The following WNT3 variants were observed in gnomAD, a reference collection of about 807,000 sequenced individuals.
The protein encoded by WNT3 is proto-oncogene Wnt-3.
In WNT3, 7 loss-of-function variants were observed where a neutral mutation model predicts 34.2. That is an observed-to-expected ratio of 0.20 (90% CI 0.12 to 0.38). The LOEUF (loss-of-function observed/expected upper bound fraction) is 0.38, where lower values mean the gene tolerates loss of function less well. WNT3 is among the 10% of genes least tolerant of loss of function. The pLI is 1.00. For missense variants in WNT3, 267 were observed against 499.8 expected, an observed-to-expected ratio of 0.53 and a Z score of 4.44; for synonymous variants, 212 against 211.5, an observed-to-expected ratio of 1.00 and a Z score of -0.02.
intron 1 of WNT3, among the ~76,000 whole-genome samples, chr17:46,816,951 G>A: frequency 6.6e-6 from 1 of 152,224 alleles, no homozygotes; most frequent in Non-Finnish European, 1.5e-5. Flanking sequence ...CCTTCCTGAA[G>A]TCCCTGGCTG....
At chr17:46,816,468 AAC>A (rs879498852) in intron 1 of WNT3, among the ~76,000 whole-genome samples, 20 of 96,524 alleles carry the variant, frequency 2.1e-4, no homozygotes, top group East Asian at 4.0e-4. Context: ...ATAGACCCAG[AAC>A]ACACGCACAC....
intron 1 of WNT3, among the ~76,000 whole-genome samples, chr17:46,803,384 CT>C (rs1568093220): frequency 6.6e-6 from 1 of 152,166 alleles, no homozygotes; most frequent in Admixed American, 6.5e-5. Context: ...AAATACAAAA[CT>C]TAGCCAGGTG....
intron 4 of WNT3, among the ~76,000 whole-genome samples, chr17:46,765,492 G>A (rs1471890891): frequency 6.6e-6 from 1 of 152,244 alleles, no homozygotes; most frequent in Non-Finnish European, 1.5e-5. Flanking sequence ...CATTTGACAG[G>A]CGCTCTCTCC....
intron 2 of WNT3, among the ~76,000 whole-genome samples, chr17:46,770,418 G>A (rs1336444387): frequency 2.0e-5 from 3 of 152,188 alleles, no homozygotes; most frequent in South Asian, 2.1e-4. Context: ...CCTTCCCAAA[G>A]TCCAGAGACC....
chr17:46,774,106 C>T (rs542072173), intron 1 of WNT3, among the ~76,000 whole-genome samples, 197 bp from the exon 2 acceptor site: 1 of 152,370 alleles, frequency 6.6e-6, no homozygotes, highest in Admixed American at 6.5e-5. Context: ...CAAGTCAGCC[C>T]TCTGGCTGCA....
chr17:46,810,800 C>A (rs1422881977), intron 1 of WNT3, among the ~76,000 whole-genome samples: 1 of 152,106 alleles, frequency 6.6e-6, no homozygotes, highest in East Asian at 1.9e-4. Context: ...AGCAGCTTAT[C>A]CAACTCTCCT....
intron 1 of WNT3, among the ~76,000 whole-genome samples, chr17:46,795,320 G>C (rs1247329735): frequency 3.3e-5 from 5 of 152,184 alleles, no homozygotes; most frequent in African/African-American, 9.7e-5. Flanking sequence ...ACTGGGGATG[G>C]TGCAAGAATA....
intron 1 of WNT3, among the ~76,000 whole-genome samples, chr17:46,817,846 C>G (rs553867148): frequency 6.6e-5 from 10 of 152,236 alleles, no homozygotes; most frequent in Admixed American, 4.6e-4. Context: ...AGGAACCCCC[C>G]TTTTGCCAGG....
At chr17:46,814,116 C>T (rs148810526) in intron 1 of WNT3, among the ~76,000 whole-genome samples, 96 of 152,320 alleles carry the variant, frequency 6.3e-4, no homozygotes, top group Non-Finnish European at 1.1e-3. Flanking sequence ...GCAGACATCA[C>T]AGACCCAAGC....
chr17:46,799,279 T>C (rs1568091110), intron 1 of WNT3, among the ~76,000 whole-genome samples: 3 of 152,092 alleles, frequency 2.0e-5, no homozygotes, highest in Admixed American at 2.0e-4. Context: ...CAACATAAAG[T>C]GTGTGGGATT....
intron 1 of WNT3, among the ~76,000 whole-genome samples, chr17:46,810,225 C>T (rs1947629821): frequency 6.6e-6 from 1 of 152,060 alleles, no homozygotes; most frequent in Admixed American, 6.5e-5. Context: ...CCAAGCAGGC[C>T]TCAAACTCCT....
intron 1 of WNT3, among the ~76,000 whole-genome samples, chr17:46,784,777 CTTTTTTTT>C (rs138267924): frequency 7.7e-6 from 1 of 129,296 alleles, no homozygotes; most frequent in African/African-American, 2.9e-5. Context: ...TTTTGCTTTT[CTTTTTTTT>C]TTTTTTTTGA....
At chr17:46,807,225 G>A (rs1000631844) in intron 1 of WNT3, among the ~76,000 whole-genome samples, 7 of 152,384 alleles carry the variant, frequency 4.6e-5, no homozygotes, top group East Asian at 1.9e-4. Context: ...GCTTACGCCT[G>A]TCATCTCAGC....
At chr17:46,808,335 G>A (rs1034784666) in intron 1 of WNT3, among the ~76,000 whole-genome samples, 23 of 152,226 alleles carry the variant, frequency 1.5e-4, no homozygotes, top group African/African-American at 4.8e-4. Flanking sequence ...CTTCCCAGAC[G>A]TTCACAAATA....
At chr17:46,771,428 C>G (rs981698874) in intron 2 of WNT3, among the ~76,000 whole-genome samples, 1 of 150,918 alleles carries the variant, frequency 6.6e-6, no homozygotes, top group African/African-American at 2.4e-5. Flanking sequence ...GGCCGGCCTG[C>G]GGCCTCTCGC....
At chr17:46,800,036 G>A (rs1299581580) in intron 1 of WNT3, among the ~76,000 whole-genome samples, 1 of 152,206 alleles carries the variant, frequency 6.6e-6, no homozygotes, top group Non-Finnish European at 1.5e-5. Flanking sequence ...AGAGAGTGGG[G>A]ACCAGCTGAG....
chr17:46,814,058 T>A (rs990765240), intron 1 of WNT3, among the ~76,000 whole-genome samples: 2 of 152,188 alleles, frequency 1.3e-5, no homozygotes, highest in African/African-American at 4.8e-5. Flanking sequence ...CTGCCTCTTT[T>A]GACCTCATCG....
intron 1 of WNT3, among the ~76,000 whole-genome samples, chr17:46,816,148 C>T (rs539127953): frequency 2.6e-5 from 4 of 151,998 alleles, no homozygotes; most frequent in Non-Finnish European, 4.4e-5. Flanking sequence ...CACGCACGCA[C>T]GCACACACAC....
intron 2 of WNT3, among the ~76,000 whole-genome samples, chr17:46,771,750 G>GC: frequency 1.5e-5 from 1 of 68,574 alleles, no homozygotes; most frequent in Non-Finnish European, 3.0e-5. Flanking sequence ...TTGAAGCGGC[G>GC]CCCCCCGCCC....
Sources: gnomAD v4.1 joint callset for allele counts (sites outside exome capture counted in the v4.1 genomes callset) on GRCh38, gnomAD v4.1.1 for gene constraint, MANE v1.5 for transcripts, NCBI Gene and HGNC (gene_info 2026-07-23, HGNC 2026-07-21) for gene names.